PIWIL2: variants seen among roughly 807,000 people sequenced by gnomAD.
PIWIL2 encodes the protein piwi like RNA-mediated gene silencing 2.
A neutral mutation model predicts 116.5 loss-of-function variants in PIWIL2; 81 were observed. The ratio of observed to expected loss-of-function variants is 0.70; its 90% CI spans 0.58 to 0.84. The LOEUF is 0.84. Ranked by LOEUF, PIWIL2 falls within the 40% of genes least tolerant of loss-of-function variation. PIWIL2 has a pLI of 0.00. For missense variants in PIWIL2, 1,272 were observed against 1,212.3 expected (o/e 1.05, Z -0.73); for synonymous variants, 489 against 429.5 (o/e 1.14, Z -1.71).
intron 20 of PIWIL2, among the ~76,000 whole-genome samples, chr8:22,335,786 T>C (rs1831967585): frequency 2.0e-5 from 3 of 152,290 alleles, no homozygotes; most frequent in African/African-American, 7.2e-5. Flanking sequence ...CTGGAACTTC[T>C]GGCTTCAAGT....
At chr8:22,349,287 G>A (rs1002313085) in intron 20 of PIWIL2, among the ~76,000 whole-genome samples, 6 of 150,966 alleles carry the variant, frequency 4.0e-5, no homozygotes, top group Admixed American at 2.6e-4. Context: ...GATTACGGGC[G>A]TGAGCCACAC....
At chr8:22,293,136 C>G (rs1444459853) in intron 10 of PIWIL2, among the ~76,000 whole-genome samples, 1 of 152,090 alleles carries the variant, frequency 6.6e-6, no homozygotes, top group African/African-American at 2.4e-5. Flanking sequence ...AATGCCTTTG[C>G]TTTTCTGCTT....
chr8:22,340,045 A>ATTTTTTTTTTTTT (rs10626386), intron 20 of PIWIL2, among the ~76,000 whole-genome samples: 1 of 93,772 alleles, frequency 1.1e-5, no homozygotes, highest in African/African-American at 4.1e-5. Context: ...TATAAAAAGA[A>ATTTTTTTTTTTTT]TTTTTTTTTT....
intron 10 of PIWIL2, among the ~76,000 whole-genome samples, chr8:22,295,890 AT>A (rs1044881637): frequency 1.3e-5 from 2 of 152,128 alleles, no homozygotes; most frequent in Admixed American, 6.5e-5. Context: ...TTCTCAATTG[AT>A]TTAATGAGCC....
chr8:22,330,966 G>A (rs1831848067), intron 20 of PIWIL2, among the ~76,000 whole-genome samples: 1 of 152,024 alleles, frequency 6.6e-6, no homozygotes, highest in African/African-American at 2.4e-5. Context: ...CCTGAAGTCA[G>A]GAGTTCGAGA....
intron 6 of PIWIL2, among the ~76,000 whole-genome samples, chr8:22,285,642 T>G (rs964725383): frequency 6.6e-6 from 1 of 152,056 alleles, no homozygotes; most frequent in African/African-American, 2.4e-5. Flanking sequence ...TCCATACTAT[T>G]TCTTTTTTTT....
At chr8:22,301,275 G>C (rs1252449458) in intron 10 of PIWIL2, among the ~76,000 whole-genome samples, 2 of 151,918 alleles carry the variant, frequency 1.3e-5, no homozygotes, top group Non-Finnish European at 2.9e-5. Context: ...CCGGCCAGTG[G>C]TCCCTTTTAT....
chr8:22,306,192 C>T (rs1047505155), intron 13 of PIWIL2, among the ~76,000 whole-genome samples, 176 bp downstream of exon 13: 2 of 152,220 alleles, frequency 1.3e-5, no homozygotes, highest in African/African-American at 4.8e-5. Flanking sequence ...ATCCATGTCC[C>T]TTCCCACACA....
intron 20 of PIWIL2, among the ~76,000 whole-genome samples, chr8:22,343,255 T>G (rs538777073): frequency 1.3e-5 from 2 of 148,648 alleles, no homozygotes; most frequent in South Asian, 4.3e-4. Context: ...AAATACAAAA[T>G]TAGCCGGGTG....
At chr8:22,333,603 A>T (rs1266011523) in intron 20 of PIWIL2, among the ~76,000 whole-genome samples, 2 of 151,978 alleles carry the variant, frequency 1.3e-5, no homozygotes, top group Non-Finnish European at 2.9e-5. Flanking sequence ...CAAGAGCGAG[A>T]CTCTGTCTCA....
intron 20 of PIWIL2, among the ~76,000 whole-genome samples, chr8:22,320,966 A>T (rs953957734): frequency 4.6e-5 from 7 of 152,260 alleles, no homozygotes; most frequent in Non-Finnish European, 1.0e-4. Flanking sequence ...CATCTCTTAC[A>T]CTACTAAGCT....
At chr8:22,321,918 G>T (rs749052154) in intron 20 of PIWIL2, 8 of 984,916 alleles carry the variant, frequency 8.1e-6, no homozygotes, top group Non-Finnish European at 9.6e-6. Context: ...GCCCCATTTT[G>T]CATCACGGCT....
intron 20 of PIWIL2, among the ~76,000 whole-genome samples, chr8:22,341,299 TAA>T (rs769390524): frequency 5.6e-5 from 8 of 141,980 alleles, no homozygotes; most frequent in South Asian, 4.5e-4. Context: ...ATTCATGATT[TAA>T]AAAAAAAAAA....
intron 10 of PIWIL2, among the ~76,000 whole-genome samples, chr8:22,297,806 C>T (rs953696774): frequency 6.6e-6 from 1 of 152,162 alleles, no homozygotes; most frequent in African/African-American, 2.4e-5. Flanking sequence ...GTCTAATGGG[C>T]CTCCAACCAT....
intron 4 of PIWIL2, among the ~76,000 whole-genome samples, chr8:22,282,698 C>T (rs1193367292): frequency 6.6e-6 from 1 of 151,992 alleles, no homozygotes; most frequent in African/African-American, 2.4e-5. Flanking sequence ...TGAAGTGATC[C>T]TCCCACCTCA....
In PIWIL2 at chr8:22,315,666, C is replaced by T. The variant is rs576283328; in HGVS notation, c.2208+521C>T. Reference sequence around the variant, plus strand: ...AAAAATAAAACTAAGATGATTATTCCGTGACACATGAAAATTATATGAAGT... The same window carrying T: ...AAAAATAAAACTAAGATGATTATTCTGTGACACATGAAAATTATATGAAGT... On this transcript the variant is annotated intron_variant, in intron 18 of 22. Transcript: ENST00000356766. 1.2e-4 allele frequency among the ~76,000 whole-genome samples: 19 copies of T among 152,170 alleles called. No homozygotes were observed. The East Asian group carries it at 3.1e-3, about 25-fold the overall frequency.
rs923476868 is a variant in PIWIL2, at chr8:22,347,629, CT to C, written c.2404-5329del. ...GCAGCCTCCGCCTCTCGGGTTCAAG[CT>C]GTTCTCCTACCTCAGCCTCCTGAGT... On this transcript the variant is annotated intron_variant, in intron 20 of 22. Transcript: ENST00000356766. Among the ~76,000 whole-genome samples the C allele has an allele frequency of 8.7e-5, 13 of 150,130 alleles. 1 individual carries two copies. Among genetic ancestry groups the C allele is most frequent in the African/African-American group, 3.2e-4 (13 of 40,946 alleles).
chr8:22,279,480 T>G lies in PIWIL2; in HGVS notation c.94T>G (p.Ser32Ala). ...VRMPGCWPQA[S>A]KPLDPALGRG... Reference sequence around the variant, plus strand: ...GATGCCAGGCTGTTGGCCACAAGCTTCTAAACCTTTGGACCCAGCTCTGGG... The same window carrying G: ...GATGCCAGGCTGTTGGCCACAAGCTGCTAAACCTTTGGACCCAGCTCTGGG... Residue 32 changes from serine (S) to alanine (A), a missense_variant, in exon 2 of 23, where the codon TCT (serine) becomes GCT (alanine). By Grantham distance (99) the Ser-to-Ala change is moderately conservative. Transcript: ENST00000356766. 1 of 1,614,122 alleles carries G rather than the reference T, an allele frequency of 6.2e-7. No individual in the cohort carries two copies. Among genetic ancestry groups the G allele is most frequent in the Non-Finnish European group, 8.5e-7 (1 of 1,180,022 alleles).
chr8:22,289,470 C>T (rs1830707347), intron 8 of PIWIL2, among the ~76,000 whole-genome samples: 1 of 152,158 alleles, frequency 6.6e-6, no homozygotes, highest in African/African-American at 2.4e-5. Context: ...TAATTTCTAC[C>T]TAGTAAGTTG....
Sources: allele counts gnomAD v4.1 joint callset (sites outside exome capture counted in the v4.1 genomes callset), GRCh38; gene constraint gnomAD v4.1.1; transcripts MANE v1.5; gene names NCBI Gene and HGNC (gene_info 2026-07-23, HGNC 2026-07-21).